The following PER2 variants were observed in gnomAD, a reference collection of about 807,000 sequenced individuals.
PER2 encodes period circadian regulator 2.
A neutral mutation model predicts 121.0 loss-of-function variants in PER2; 66 were observed. That is an observed-to-expected ratio of 0.55 (90% CI 0.45 to 0.67). PER2 has a LOEUF of 0.67. PER2 is among the 30% of genes least tolerant of loss of function. The pLI is 0.00. For missense variants in PER2, 1,521 were observed against 1,635.0 expected (o/e 0.93, Z 1.20); for synonymous variants, 684 against 659.9 (o/e 1.04, Z -0.56).
intron 2 of PER2, 132 bp downstream of exon 2, chr2:238,277,575 A>T: frequency 9.3e-7 from 1 of 1,071,042 alleles, no homozygotes; most frequent in Non-Finnish European, 1.4e-6. Context: ...GGCACATTTT[A>T]GGTATTTTCA....
chr2:238,292,364 A>G (rs1281815093), upstream of PER2, among the ~76,000 whole-genome samples: 1 of 152,222 alleles, frequency 6.6e-6, no homozygotes, highest in East Asian at 1.9e-4. Flanking sequence ...TGCAGTCCCC[A>G]TCTTTCTTCG....
chr2:238,259,575 G>A (rs538816943), intron 14 of PER2, among the ~76,000 whole-genome samples: 1 of 152,358 alleles, frequency 6.6e-6, no homozygotes, highest in South Asian at 2.1e-4. Context: ...TGAGTGAAGG[G>A]TTTGCAAGTG....
intron 21 of PER2, among the ~76,000 whole-genome samples, chr2:238,250,174 TAAGTCA>T (rs1010042958): frequency 2.0e-5 from 3 of 152,362 alleles, no homozygotes; most frequent in African/African-American, 7.2e-5. Flanking sequence ...CCTTCAAGTC[TAAGTCA>T]GACAGCCAGA....
chr2:238,245,847 G>A lies in PER2; in HGVS notation c.*528C>T, dbSNP rs1333805736. On this transcript the variant is annotated 3_prime_UTR_variant, in exon 23 of 23. Coordinates refer to ENST00000254657, the MANE Select transcript of PER2 (RefSeq NM_022817.3). Reference sequence around the variant, plus strand: ...CGCTTCACACCATTTAATGTGAAACGTTTTGAAATAAAACTAGGAGAGGCT... The same window carrying A: ...CGCTTCACACCATTTAATGTGAAACATTTTGAAATAAAACTAGGAGAGGCT... 13 of 393,030 alleles carry A rather than the reference G, an allele frequency of 3.3e-5. No individual in the cohort carries two copies. The highest frequency in any genetic ancestry group is 3.6e-5 in the East Asian group (1 of 27,770). 24.3% of individuals were successfully genotyped at this position (393,030 alleles called of 1,614,324 possible).
chr2:238,258,680 T>C (rs755787106), intron 14 of PER2, 36 bp from the exon 15 acceptor site: 18 of 1,608,200 alleles, frequency 1.1e-5, no homozygotes, highest in African/African-American at 2.7e-5. Flanking sequence ...TCATTCATTT[T>C]TCTCCCACAG....
intron 13 of PER2, 101 bp downstream of exon 13, chr2:238,260,727 G>C (rs962833430): frequency 1.5e-6 from 2 of 1,316,576 alleles, no homozygotes; most frequent in Admixed American, 3.4e-5. Flanking sequence ...CTGCAATCAG[G>C]AAGCCCCTCC....
intron 22 of PER2, among the ~76,000 whole-genome samples, chr2:238,248,683 T>C (rs1695511921): frequency 7.0e-6 from 1 of 142,832 alleles, no homozygotes; most frequent in South Asian, 2.2e-4. Context: ...TGAGACAGAG[T>C]CTTGCTCTGT....
rs1317559835 is a variant in PER2, at chr2:238,246,512, A to G, written c.3631T>C (p.Cys1211Arg). ...ATATTACCTTTTTCCTTGTTTTCACAGTAAACACATTCCTTAAAAGAAAAA... is the reference window on the plus strand; with the variant it reads ...ATATTACCTTTTTCCTTGTTTTCACGGTAAACACATTCCTTAAAAGAAAAA... ...AAIDVAECVYCENKEKGNICI... is the reference protein window; with the variant it reads ...AAIDVAECVYRENKEKGNICI... Residue 1211 changes from cysteine to arginine, a missense_variant, in exon 23 of 23, where the codon TGT becomes CGT. Coordinates refer to ENST00000254657, the MANE Select transcript of PER2 (RefSeq NM_022817.3). The G allele has an allele frequency of 3.2e-6, 5 of 1,563,790 alleles. No homozygotes were observed. In the Admixed American group the frequency reaches 8.3e-5, roughly 26 times the overall value.
At position 238,261,844 on chromosome 2, in the gene PER2, G is replaced by C; in HGVS notation, c.1308-7C>G. The C allele has an allele frequency of 6.5e-7, 1 of 1,550,006 alleles. No homozygotes were observed. The highest frequency in any genetic ancestry group is 8.7e-7 in the Non-Finnish European group (1 of 1,144,234). On this transcript the variant is annotated splice_polypyrimidine_tract_variant and splice_region_variant and intron_variant, in intron 11 of 22. Coordinates refer to ENST00000254657, the MANE Select transcript of PER2 (RefSeq NM_022817.3). ...GTCCTCATTCAAAGGGCCCCTGCGT[G>C]GTTTTAATTCATCTTGTTAGATGGG...
In PER2 at chr2:238,273,435, C is replaced by T. The variant is rs369378106; in HGVS notation, c.449-244G>A. Among the ~76,000 whole-genome samples the T allele has an allele frequency of 3.0e-3, 457 of 151,776 alleles. 5 individuals are homozygous for T. Among genetic ancestry groups the T allele is most frequent in the South Asian group, 4.4e-3 (21 of 4,796 alleles). On this transcript the variant is annotated intron_variant, in intron 4 of 22. Coordinates refer to ENST00000254657, the MANE Select transcript of PER2 (RefSeq NM_022817.3). The stretch of plus-strand genomic sequence containing the variant: ...TTATAAAATGTTTTAAAAGTGGCAA[C>T]TACATTATTTAAGGTAATACGGTCG...
At chr2:238,264,783 C>T (rs1290091274) in intron 9 of PER2, among the ~76,000 whole-genome samples, 2 of 152,138 alleles carry the variant, frequency 1.3e-5, no homozygotes, top group Admixed American at 1.3e-4. Flanking sequence ...CCACCACACC[C>T]AGCTAATTTT....
chr2:238,256,003 C>A, intron 17 of PER2, 92 bp from the exon 18 acceptor site: 1 of 1,476,820 alleles, frequency 6.8e-7, no homozygotes, highest in East Asian at 2.3e-5. Flanking sequence ...AAATCATTCA[C>A]GTATAAAGTA....
intron 1 of PER2, among the ~76,000 whole-genome samples, chr2:238,280,511 G>T (rs1351181878): frequency 6.6e-6 from 1 of 152,142 alleles, no homozygotes; most frequent in Non-Finnish European, 1.5e-5. Flanking sequence ...AGAAATGATG[G>T]ATTCAATGAA....
In PER2 at chr2:238,268,937, G is replaced by A. The variant is rs763998375; in HGVS notation, c.810C>T (p.Phe270=). Residue 270 remains phenylalanine, a synonymous_variant, in exon 7 of 23, where the codon TTC becomes TTT. Coordinates refer to ENST00000254657, the MANE Select transcript of PER2 (RefSeq NM_022817.3). The surrounding 1 kb of genome is among the most constrained non-coding windows in gnomAD (Gnocchi z 4.0). ...ACCAGGCTTACCTGACACGGCAAAA[G>A]AAAGATTTCTCCTCCATGCATTCTT... is the stretch of plus-strand genomic sequence containing the variant. ...FTQECMEEKS[F]FCRVSVRKSH... is the part of the protein sequence containing the mutation. 2 of 1,612,476 alleles carry A rather than the reference G, an allele frequency of 1.2e-6. No homozygotes were observed. The highest frequency in any genetic ancestry group is 1.7e-5 in the Admixed American group (1 of 60,012).
chr2:238,287,422 G>C (rs947907943), intron 1 of PER2, among the ~76,000 whole-genome samples: 7 of 152,354 alleles, frequency 4.6e-5, no homozygotes, highest in Non-Finnish European at 7.3e-5. Context: ...GCCCCAGGTG[G>C]GGGTAGAGGG....
At chr2:238,254,241 A>G (rs562923761) in intron 18 of PER2, 3 of 176,422 alleles carry the variant, frequency 1.7e-5, no homozygotes, top group Admixed American at 5.5e-5. Context: ...TTCCTCTGCA[A>G]TAACGAGTGC....
chr2:238,284,864 T>C (rs555199391), intron 1 of PER2, among the ~76,000 whole-genome samples: 13 of 152,236 alleles, frequency 8.5e-5, no homozygotes, highest in Non-Finnish European at 1.6e-4. Context: ...GCGGCTCTAA[T>C]AGACCAGCCT....
At position 238,255,472 on chromosome 2, in the gene PER2, G is replaced by A. The variant is rs541979494; in HGVS notation, c.2320+185C>T. The A allele has an allele frequency of 9.5e-4, 650 of 685,712 alleles. 6 individuals carry two copies. In the African/African-American group the frequency reaches 0.01, roughly 11 times the overall value. 42.5% of individuals were successfully genotyped at this position (685,712 alleles called of 1,614,324 possible). On this transcript the variant is annotated intron_variant, in intron 18 of 22. Transcript: ENST00000254657. ...CCCAGGGAATGCAAGCTGACATCCC[G>A]AGAGCACCCCCCCGGTGGGAAGTTC... is the stretch of plus-strand genomic sequence containing the variant.
Position 238,250,642 on chromosome 2 carries a change from GCTCA to G in PER2, c.3372_3375del (p.Glu1125IlefsTer14). ...TCCTGCAGGACGCACTTAATGAAATGCTCACTTTCTTCCATACCAGTGTTCATTT... is the reference window on the plus strand; with the variant it reads ...TCCTGCAGGACGCACTTAATGAAATGCTTTCTTCCATACCAGTGTTCATTT... On this transcript the variant is annotated frameshift_variant, in exon 21 of 23. Coordinates refer to ENST00000254657, the MANE Select transcript of PER2 (RefSeq NM_022817.3). LOFTEE classifies it high-confidence loss of function. 6.2e-7 allele frequency: 1 copy of G among 1,613,322 alleles called. No homozygotes were observed. The highest frequency in any genetic ancestry group is 8.5e-7 in the Non-Finnish European group (1 of 1,179,214).
Sources: gnomAD v4.1 joint callset for allele counts (sites outside exome capture counted in the v4.1 genomes callset) on GRCh38, gnomAD v4.1.1 for gene constraint, Gnocchi (gnomAD v3.1) non-coding constraint, MANE v1.5 for transcripts, NCBI Gene and HGNC (gene_info 2026-07-23, HGNC 2026-07-21) for gene names.